NAA25: variants seen among roughly 807,000 people sequenced by gnomAD.
NAA25 encodes N-terminal acetyltransferase B complex subunit NAA25.
In NAA25, 30 loss-of-function variants were observed where a neutral mutation model predicts 132.5. The observed-to-expected ratio is 0.23, with a 90% CI of 0.17 to 0.31. The LOEUF (loss-of-function observed/expected upper bound fraction) is 0.31. Among genes scored for constraint, NAA25 ranks in the 10% least tolerant of loss-of-function variants. The pLI, the probability that NAA25 is intolerant of heterozygous loss-of-function variation, is 1.00. For synonymous variants in NAA25, 359 were observed against 401.9 expected (o/e 0.89, Z 1.28); for missense variants, 771 against 1,150.4 (o/e 0.67, Z 4.77).
chr12:112,066,510 C>T (rs1219641213), intron 11 of NAA25, among the ~76,000 whole-genome samples: 2 of 152,192 alleles, frequency 1.3e-5, no homozygotes, highest in Non-Finnish European at 2.9e-5. Context: ...CCCTGTTTTC[C>T]TCCCTCTTCT....
chr12:112,032,130 AT>A (rs1323685125), intron 23 of NAA25, among the ~76,000 whole-genome samples: 1 of 151,278 alleles, frequency 6.6e-6, no homozygotes, highest in African/African-American at 2.4e-5. Context: ...CGCCCGGCTA[AT>A]TTTTTTGTAT....
intron 11 of NAA25, among the ~76,000 whole-genome samples, chr12:112,063,664 G>A (rs2078670957): frequency 6.6e-6 from 1 of 152,134 alleles, no homozygotes; most frequent in South Asian, 2.1e-4. Context: ...TAAGTGTATT[G>A]GGGGAAATTG....
chr12:112,043,679 T>C lies in NAA25; in HGVS notation c.2196A>G (p.Gln732=), dbSNP rs2078333341. ...SRIDILRLLL[Q]QLEATLETGK... ...CTGTCTCCAGGGTTGCCTCCAGCTGTTGAAGGAGCAAACGAAGAATATCAA... is the reference window on the plus strand; with the variant it reads ...CTGTCTCCAGGGTTGCCTCCAGCTGCTGAAGGAGCAAACGAAGAATATCAA... The change falls in exon 18 of 24, where the codon CAA becomes CAG. Residue 732 remains glutamine, a synonymous_variant. Transcript: ENST00000261745. 2.5e-6 allele frequency: 4 copies of C among 1,614,066 alleles called. No individual in the cohort carries two copies. In the African/African-American group the frequency reaches 4.0e-5, roughly 16 times the overall value.
chr12:112,070,278 TAAAG>T (rs1446755921), intron 10 of NAA25, among the ~76,000 whole-genome samples: 12 of 152,346 alleles, frequency 7.9e-5, no homozygotes, highest in Non-Finnish European at 1.3e-4. Flanking sequence ...AATAAGATCA[TAAAG>T]AATCATTTTA....
At chr12:112,099,996 A>G (rs2079269449) in intron 1 of NAA25, among the ~76,000 whole-genome samples, 1 of 152,204 alleles carries the variant, frequency 6.6e-6, no homozygotes. Context: ...TAAAAATTCT[A>G]AAAGTTGGAG....
At chr12:112,073,164 G>A (rs989726285) in intron 9 of NAA25, among the ~76,000 whole-genome samples, 3 of 151,824 alleles carry the variant, frequency 2.0e-5, no homozygotes, top group Non-Finnish European at 4.4e-5. Context: ...GAGCCCAGGA[G>A]GCAGAGGTTG....
chr12:112,074,543 G>C, intron 9 of NAA25, 132 bp downstream of exon 9: 1 of 506,032 alleles, frequency 2.0e-6, no homozygotes, highest in African/African-American at 2.0e-5. Flanking sequence ...TAAAAAATAT[G>C]AAAAAATGTC....
chr12:112,031,544 G>C (rs1269547403), intron 23 of NAA25, among the ~76,000 whole-genome samples: 2 of 152,194 alleles, frequency 1.3e-5, no homozygotes, highest in Admixed American at 6.5e-5. Context: ...AAGAACAGAA[G>C]CTAGGGCTTG....
chr12:112,098,818 C>T (rs906939864), intron 1 of NAA25, among the ~76,000 whole-genome samples: 6 of 152,156 alleles, frequency 3.9e-5, no homozygotes, highest in South Asian at 2.1e-4. Flanking sequence ...AGTGCAGTTG[C>T]GCGATCCCAG....
chr12:112,048,183 T>G, intron 16 of NAA25, 109 bp downstream of exon 16: 3 of 1,055,690 alleles, frequency 2.8e-6, no homozygotes, highest in East Asian at 4.9e-5. Context: ...TCTCCCTTTT[T>G]TCCCCCTATT....
At chr12:112,099,826 A>G (rs1222829954) in intron 1 of NAA25, among the ~76,000 whole-genome samples, 1 of 152,226 alleles carries the variant, frequency 6.6e-6, no homozygotes, top group Non-Finnish European at 1.5e-5. Context: ...TTTCATCTGC[A>G]TGTTCTTGCA....
At chr12:112,046,101 G>GT (rs1361594435) in intron 17 of NAA25, among the ~76,000 whole-genome samples, 2 of 152,220 alleles carry the variant, frequency 1.3e-5, no homozygotes, top group Non-Finnish European at 2.9e-5. Flanking sequence ...CCCTAAAATG[G>GT]TAAGAGTGAC....
intron 22 of NAA25, chr12:112,035,282 T>C (rs2078208640): frequency 6.6e-6 from 1 of 151,904 alleles, no homozygotes; most frequent in Non-Finnish European, 1.5e-5. Flanking sequence ...AAGCTTTCAT[T>C]AGAAGGAGAG....
At chr12:112,104,759 C>G (rs2079337815) in intron 1 of NAA25, among the ~76,000 whole-genome samples, 1 of 151,948 alleles carries the variant, frequency 6.6e-6, no homozygotes, top group Non-Finnish European at 1.5e-5. Flanking sequence ...TGGCGTGAAC[C>G]CGGAAGGTGG....
At chr12:112,042,787 G>A (rs1201114021) in intron 19 of NAA25, among the ~76,000 whole-genome samples, 2 of 152,214 alleles carry the variant, frequency 1.3e-5, no homozygotes, top group Non-Finnish European at 2.9e-5. Context: ...GATTACAGGC[G>A]TGAGCCACTG....
intron 10 of NAA25, among the ~76,000 whole-genome samples, chr12:112,071,154 G>A (rs2078801436): frequency 1.3e-5 from 2 of 152,014 alleles, no homozygotes; most frequent in African/African-American, 2.4e-5. Context: ...AAAGTGCTGG[G>A]ATTATAGGCA....
chr12:112,101,189 C>T (rs964220893), intron 1 of NAA25, among the ~76,000 whole-genome samples: 3 of 152,164 alleles, frequency 2.0e-5, no homozygotes, highest in African/African-American at 4.8e-5. Flanking sequence ...CCCCAACAGT[C>T]CAAATGCCCC....
At chr12:112,107,873 AAAATCT>A (rs1409261499) in intron 1 of NAA25, among the ~76,000 whole-genome samples, 12 of 152,220 alleles carry the variant, frequency 7.9e-5, no homozygotes, top group Admixed American at 7.9e-4. Flanking sequence ...TCCCAAACTC[AAAATCT>A]GTGATTTTTC....
chr12:112,108,732 G>A lies in NAA25; in HGVS notation c.42C>T (p.Arg14=). ...GACACTCACCGTAAATGGGCCGGAGGCGCCTGTCGTTAGGGTCCTGCACAT... is the reference window on the plus strand; with the variant it reads ...GACACTCACCGTAAATGGGCCGGAGACGCCTGTCGTTAGGGTCCTGCACAT... ...RGHVQDPNDR[R]LRPIYDYLDN... Residue 14 remains arginine (R), a synonymous_variant, in exon 1 of 24, where the codon CGC becomes CGT. Coordinates refer to ENST00000261745, the MANE Select transcript of NAA25 (RefSeq NM_024953.4). 7.2e-6 allele frequency: 11 copies of A among 1,530,294 alleles called. No homozygotes were observed. The highest frequency in any genetic ancestry group is 9.7e-6 in the Non-Finnish European group (11 of 1,136,522). 94.8% of individuals were successfully genotyped at this position (1,530,294 alleles called of 1,614,324 possible).
Sources: allele counts gnomAD v4.1 joint callset (sites outside exome capture counted in the v4.1 genomes callset), GRCh38; gene constraint gnomAD v4.1.1; transcripts MANE v1.5; gene names NCBI Gene and HGNC (gene_info 2026-07-23, HGNC 2026-07-21).